The following SCHIP1 variants were observed in gnomAD, a reference collection of about 807,000 sequenced individuals.
SCHIP1 encodes schwannomin-interacting protein 1.
Under a neutral mutation model 29.7 loss-of-function variants are expected in SCHIP1, and 8 were observed. The observed-to-expected ratio is 0.27, with a 90% CI of 0.16 to 0.49. SCHIP1 has a LOEUF of 0.49. SCHIP1 is among the 20% of genes least tolerant of loss of function. The pLI, the probability that SCHIP1 is intolerant of heterozygous loss-of-function variation, is 0.99. For missense variants in SCHIP1, 193 were observed against 294.6 expected (o/e 0.66, Z 2.52); for synonymous variants, 76 against 94.9 (o/e 0.80, Z 1.16).
At chr3:159,697,247 A>G in the SCHIP1 span, among the ~76,000 whole-genome samples, 1 of 152,208 alleles carries the variant, frequency 6.6e-6, no homozygotes, top group African/African-American at 2.4e-5. Context: ...ATTAGGAAAA[A>G]GACATGAGGG....
intron 2 of SCHIP1, among the ~76,000 whole-genome samples, chr3:159,882,351 A>G (rs1198354365): frequency 6.6e-6 from 1 of 152,220 alleles, no homozygotes; most frequent in African/African-American, 2.4e-5. Context: ...GGGGATAAAA[A>G]TCTTACCAAT....
the SCHIP1 span, among the ~76,000 whole-genome samples, chr3:159,601,471 G>T: frequency 6.6e-6 from 1 of 152,214 alleles, no homozygotes; most frequent in South Asian, 2.1e-4. Flanking sequence ...ACCTCAGACA[G>T]GTAGCCCTCC....
the SCHIP1 span, among the ~76,000 whole-genome samples, chr3:159,696,510 C>G: frequency 6.6e-6 from 1 of 152,210 alleles, no homozygotes; most frequent in Non-Finnish European, 1.5e-5. Context: ...TCTCTAGATA[C>G]CTCTACTAGA....
the SCHIP1 span, among the ~76,000 whole-genome samples, chr3:159,492,716 G>T: frequency 6.6e-6 from 1 of 152,124 alleles, no homozygotes; most frequent in East Asian, 1.9e-4. Context: ...ACCTAGCAAG[G>T]CAGGCCAACA....
At chr3:159,854,488 A>T (rs1713071510) in intron 1 of SCHIP1, among the ~76,000 whole-genome samples, 1 of 152,198 alleles carries the variant, frequency 6.6e-6, no homozygotes, top group South Asian at 2.1e-4. Flanking sequence ...AATATGTGAA[A>T]GCGGTTTCAG....
the SCHIP1 span, among the ~76,000 whole-genome samples, chr3:159,557,187 G>A: frequency 1.3e-5 from 2 of 151,876 alleles, no homozygotes; most frequent in African/African-American, 2.4e-5. Flanking sequence ...TCGATCTCCT[G>A]ACCTCATGAT....
chr3:159,480,972 GT>G, the SCHIP1 span, among the ~76,000 whole-genome samples: 1 of 152,116 alleles, frequency 6.6e-6, no homozygotes, highest in Non-Finnish European at 1.5e-5. Flanking sequence ...AAAGGGGGTT[GT>G]TTCTCTGGTG....
At chr3:159,516,348 C>T in the SCHIP1 span, among the ~76,000 whole-genome samples, 14 of 152,094 alleles carry the variant, frequency 9.2e-5, no homozygotes, top group African/African-American at 9.7e-5. Context: ...AGTGGGACAC[C>T]GTCATCCACA....
the SCHIP1 span, among the ~76,000 whole-genome samples, chr3:159,320,303 T>C: frequency 2.0e-5 from 3 of 152,158 alleles, no homozygotes; most frequent in African/African-American, 7.2e-5. Flanking sequence ...CTTGCCCCTT[T>C]CACCATGTGA....
chr3:159,321,600 A>G, the SCHIP1 span, among the ~76,000 whole-genome samples: 1 of 152,112 alleles, frequency 6.6e-6, no homozygotes, highest in Non-Finnish European at 1.5e-5. Context: ...GTTTTAGGGT[A>G]CATGTGCACA....
chr3:159,529,234 A>G, the SCHIP1 span, among the ~76,000 whole-genome samples: 3,926 of 152,290 alleles, frequency 0.026, 126 homozygotes, highest in African/African-American at 0.063. Flanking sequence ...TAAATCCTTC[A>G]CTGCATATAT....
chr3:159,737,708 A>G, the SCHIP1 span, among the ~76,000 whole-genome samples: 3 of 152,236 alleles, frequency 2.0e-5, no homozygotes, highest in Non-Finnish European at 4.4e-5. Flanking sequence ...GATTTATGTG[A>G]AAAGTGTTTA....
chr3:159,566,372 G>T, the SCHIP1 span, among the ~76,000 whole-genome samples: 2 of 152,114 alleles, frequency 1.3e-5, no homozygotes, highest in African/African-American at 2.4e-5. Context: ...TGTGGACCAG[G>T]TATTGTTCTA....
At chr3:159,696,875 A>G in the SCHIP1 span, among the ~76,000 whole-genome samples, 3 of 152,240 alleles carry the variant, frequency 2.0e-5, no homozygotes, top group Non-Finnish European at 4.4e-5. Context: ...GGTAACTGAA[A>G]TAAGTTCATT....
chr3:159,708,449 CA>C, the SCHIP1 span, among the ~76,000 whole-genome samples: 1 of 152,078 alleles, frequency 6.6e-6, no homozygotes, highest in African/African-American at 2.4e-5. Context: ...GAGGGATGGA[CA>C]GAAGAAAAGA....
the SCHIP1 span, among the ~76,000 whole-genome samples, chr3:159,545,120 C>G: frequency 5.7e-4 from 87 of 152,204 alleles, no homozygotes; most frequent in East Asian, 1.5e-3. Flanking sequence ...CAGGCAATGC[C>G]TCCTCTGTCA....
chr3:159,649,119 G>A, the SCHIP1 span, among the ~76,000 whole-genome samples: 1 of 152,108 alleles, frequency 6.6e-6, no homozygotes, highest in Non-Finnish European at 1.5e-5. Flanking sequence ...TAAAACAAGA[G>A]GTCTGGGCCC....
chr3:159,502,720 A>C, the SCHIP1 span, among the ~76,000 whole-genome samples: 8 of 144,590 alleles, frequency 5.5e-5, no homozygotes, highest in African/African-American at 1.6e-4. Flanking sequence ...TTCAGTTCCC[A>C]CCTAATCAGC....
At chr3:159,886,445 G>T (rs763395517) in intron 3 of SCHIP1, 121 bp downstream of exon 4, 4 of 808,920 alleles carry the variant, frequency 4.9e-6, no homozygotes, top group Non-Finnish European at 5.8e-6. Flanking sequence ...AAAGTTTCTT[G>T]GAATTGCATG....
Sources: allele counts gnomAD v4.1 joint callset (sites outside exome capture counted in the v4.1 genomes callset), GRCh38; gene constraint gnomAD v4.1.1; transcripts MANE v1.5; gene names NCBI Gene and HGNC (gene_info 2026-07-23, HGNC 2026-07-21).